SLC10A7: variants seen among roughly 807,000 people sequenced by gnomAD.
SLC10A7 encodes sodium/bile acid cotransporter 7.
In SLC10A7, 29 loss-of-function variants were observed where a neutral mutation model predicts 43.2. That is an observed-to-expected ratio of 0.67 (90% CI 0.50 to 0.92). The LOEUF (loss-of-function observed/expected upper bound fraction) is 0.92, where lower values mean the gene tolerates loss of function less well. SLC10A7 is among the 40% of genes least tolerant of loss of function. The pLI is 0.00. For missense variants in SLC10A7, 295 were observed against 403.2 expected, an observed-to-expected ratio of 0.73 and a Z score of 2.30; for synonymous variants, 152 against 144.8, an observed-to-expected ratio of 1.05 and a Z score of -0.35.
chr4:146,360,594 C>T (rs1482153491), intron 5 of SLC10A7, among the ~76,000 whole-genome samples: 2 of 151,904 alleles, frequency 1.3e-5, no homozygotes, highest in East Asian at 1.9e-4. Context: ...GCAGGCAACA[C>T]CACACCTGGC....
intron 5 of SLC10A7, among the ~76,000 whole-genome samples, chr4:146,370,108 T>C (rs1736666086): frequency 6.6e-6 from 1 of 152,156 alleles, no homozygotes; most frequent in African/African-American, 2.4e-5. Flanking sequence ...TTTCTGGCAG[T>C]TATTTGATAT....
At chr4:146,388,666 G>A (rs1172649048) in intron 5 of SLC10A7, among the ~76,000 whole-genome samples, 1 of 151,996 alleles carries the variant, frequency 6.6e-6, no homozygotes, top group African/African-American at 2.4e-5. Context: ...GGCTGAGGCA[G>A]GAGAATGGCG....
At position 146,268,037 on chromosome 4, in the gene SLC10A7, C is replaced by T. The variant is rs146032582; in HGVS notation, c.848-9200G>A. On this transcript the variant is annotated intron_variant, in intron 10 of 11. Coordinates refer to ENST00000335472, the MANE Select transcript of SLC10A7 (RefSeq NM_001029998.6). The stretch of plus-strand genomic sequence containing the variant: ...GTGGGTGGCATATGAGGGAAAGGAA[C>T]ATGTTGAAATCCACACAGGACGTGT... Among the ~76,000 whole-genome samples the T allele has an allele frequency of 3.0e-3, 450 of 152,232 alleles. 9 individuals are homozygous for T. The highest frequency in any genetic ancestry group is 0.028 in the Admixed American group (436 of 15,300).
chr4:146,275,271 G>C (rs1729134136), intron 10 of SLC10A7, among the ~76,000 whole-genome samples: 1 of 152,060 alleles, frequency 6.6e-6, no homozygotes, highest in Non-Finnish European at 1.5e-5. Context: ...CCATCCAAAG[G>C]GCTCAAGATT....
intron 5 of SLC10A7, among the ~76,000 whole-genome samples, chr4:146,366,453 CA>C (rs796756972): frequency 3.3e-5 from 5 of 152,138 alleles, no homozygotes; most frequent in African/African-American, 1.2e-4. Context: ...TCTAGTCTTC[CA>C]GATTTTTTCA....
intron 7 of SLC10A7, among the ~76,000 whole-genome samples, chr4:146,304,632 T>G (rs1054796747): frequency 2.0e-5 from 3 of 152,242 alleles, no homozygotes; most frequent in South Asian, 2.1e-4. Context: ...TTATAATTTC[T>G]GCTCTTTCAC....
At chr4:146,409,725 C>T (rs762587972) in intron 5 of SLC10A7, among the ~76,000 whole-genome samples, 15 of 152,054 alleles carry the variant, frequency 9.9e-5, no homozygotes, top group Non-Finnish European at 2.1e-4. Context: ...TAATCAAGAA[C>T]GTGAGAAATA....
intron 4 of SLC10A7, among the ~76,000 whole-genome samples, chr4:146,463,187 ATATT>A (rs1732693711): frequency 6.6e-6 from 1 of 152,204 alleles, no homozygotes; most frequent in East Asian, 1.9e-4. Context: ...TGAAATAAAA[ATATT>A]TATTAAATAC....
chr4:146,425,685 G>A (rs1362237455), intron 5 of SLC10A7, among the ~76,000 whole-genome samples: 3 of 152,112 alleles, frequency 2.0e-5, no homozygotes, highest in African/African-American at 7.2e-5. Context: ...AAGGTATGGT[G>A]GGTCAATAAA....
intron 9 of SLC10A7, among the ~76,000 whole-genome samples, chr4:146,285,693 A>G (rs1243178241): frequency 2.0e-5 from 3 of 152,236 alleles, no homozygotes; most frequent in African/African-American, 7.2e-5. Flanking sequence ...AGAATTAAAG[A>G]GGAGGCTCAG....
At chr4:146,378,556 A>C (rs1560850978) in intron 5 of SLC10A7, among the ~76,000 whole-genome samples, 1 of 152,198 alleles carries the variant, frequency 6.6e-6, no homozygotes, top group African/African-American at 2.4e-5. Flanking sequence ...CTCAATCTAC[A>C]TTATAGAGTA....
At chr4:146,516,454 A>G (rs920686479) in intron 2 of SLC10A7, among the ~76,000 whole-genome samples, 2 of 148,584 alleles carry the variant, frequency 1.3e-5, no homozygotes, top group East Asian at 4.0e-4. Flanking sequence ...TTTGACACAT[A>G]TATGTATGTG....
intron 5 of SLC10A7, among the ~76,000 whole-genome samples, chr4:146,434,658 G>A (rs1730064310): frequency 1.3e-5 from 2 of 152,130 alleles, no homozygotes; most frequent in Admixed American, 1.3e-4. Context: ...CCACCTCCTG[G>A]GTCCAAGGGA....
chr4:146,305,578 AAAAG>A (rs948104853), intron 7 of SLC10A7, among the ~76,000 whole-genome samples: 1 of 60,322 alleles, frequency 1.7e-5, no homozygotes, highest in African/African-American at 7.8e-5. Flanking sequence ...GTATAATAAT[AAAAG>A]AAAAAAAAAC....
At chr4:146,273,409 A>C (rs1039736443) in intron 10 of SLC10A7, among the ~76,000 whole-genome samples, 15 of 152,118 alleles carry the variant, frequency 9.9e-5, no homozygotes, top group African/African-American at 3.6e-4. Flanking sequence ...CCTGAGTTTA[A>C]ATCCTCACTG....
chr4:146,415,357 C>G (rs1349034619), intron 5 of SLC10A7, among the ~76,000 whole-genome samples: 4 of 152,166 alleles, frequency 2.6e-5, no homozygotes, highest in African/African-American at 9.7e-5. Context: ...ATCTCAAGTT[C>G]ATCATCTATT....
chr4:146,417,954 T>C (rs775668099), intron 5 of SLC10A7, among the ~76,000 whole-genome samples: 12 of 151,910 alleles, frequency 7.9e-5, no homozygotes, highest in Non-Finnish European at 1.6e-4. Flanking sequence ...CTCTCTCCTC[T>C]CTCTCCTCCC....
chr4:146,389,237 T>C (rs960704500), intron 5 of SLC10A7, among the ~76,000 whole-genome samples: 6 of 151,678 alleles, frequency 4.0e-5, no homozygotes, highest in African/African-American at 1.5e-4. Context: ...GGGCAACAGG[T>C]ACACTAAAAC....
Position 146,352,853 on chromosome 4 carries a change from C to A in SLC10A7, c.436-26857G>T, listed in dbSNP as rs1173816188. On this transcript the variant is annotated intron_variant, in intron 5 of 11. Coordinates refer to ENST00000335472, the MANE Select transcript of SLC10A7 (RefSeq NM_001029998.6). ...TTGAAACCAATGAGAACAAAGACAC[C>A]ACATACCAGAATCTCTGGGACGCAT... Among the ~76,000 whole-genome samples, 7 of 143,294 alleles carry A rather than the reference C, an allele frequency of 4.9e-5. No homozygotes were observed. The East Asian group carries it at 6.2e-4, about 13-fold the overall frequency. 94.0% of individuals were successfully genotyped at this position (143,294 alleles called of 152,430 possible). A position where few individuals can be genotyped will look rare whatever the true frequency, so the allele number is the denominator to read the frequency against.
Sources: allele counts gnomAD v4.1 joint callset (sites outside exome capture counted in the v4.1 genomes callset), GRCh38; gene constraint gnomAD v4.1.1; transcripts MANE v1.5; gene names NCBI Gene and HGNC (gene_info 2026-07-23, HGNC 2026-07-21).